The following ELK1 variants were observed in gnomAD, a reference collection of about 807,000 sequenced individuals.
The protein encoded by ELK1 is ETS domain-containing protein Elk-1.
For missense variants in ELK1, 254 were observed against 381.5 expected (o/e 0.67, Z 2.78); for synonymous variants, 163 against 176.3 (o/e 0.92, Z 0.60).
intron 2 of ELK1, among the ~76,000 whole-genome samples, chrX:47,646,967 C>T (rs987856974): frequency 9.0e-6 from 1 of 111,350 alleles, no homozygotes; most frequent in African/African-American, 3.3e-5. Context: ...ATGCTCTTCC[C>T]GTAGACATTA....
rs766008788 is a variant in ELK1, at chrX:47,639,085, C to T, written c.464G>A (p.Arg155His). Residue 155 changes from arginine (R) to histidine (H), a missense_variant, in exon 4 of 7, where the codon CGC becomes CAC. Physicochemically the swap from Arg to His is conservative, Grantham distance 29. Coordinates refer to ENST00000376983, the MANE Select transcript of ELK1 (RefSeq NM_001114123.3). Reference protein sequence around the residue: ...LARSSRNEYMRSGLYSTFTIQ... With the variant: ...LARSSRNEYMHSGLYSTFTIQ... ...GGTGAAGGTGGAATAGAGGCCCGAGCGCATGTACTCGTTCCGGCTGCTGCG... is the reference window on the plus strand; with the variant it reads ...GGTGAAGGTGGAATAGAGGCCCGAGTGCATGTACTCGTTCCGGCTGCTGCG... 10 of 1,199,106 alleles carry T rather than the reference C, an allele frequency of 8.3e-6. No homozygotes were observed. The Admixed American group carries it at 1.4e-4, about 16-fold the overall frequency.
At chrX:47,640,776 G>A (rs1383979228) in intron 3 of ELK1, among the ~76,000 whole-genome samples, 1 of 111,846 alleles carries the variant, frequency 8.9e-6, no homozygotes, top group African/African-American at 3.3e-5. Context: ...GTATAATACT[G>A]TCAGGGAGGT....
chrX:47,646,339 G>A (rs1003878113), intron 2 of ELK1, among the ~76,000 whole-genome samples: 5 of 110,424 alleles, frequency 4.5e-5, no homozygotes, highest in African/African-American at 1.3e-4. Context: ...GTTTTTTTTC[G>A]GAGACGGGGA....
intron 2 of ELK1, among the ~76,000 whole-genome samples, chrX:47,644,745 G>A (rs1454248705): frequency 9.0e-6 from 1 of 110,585 alleles, no homozygotes; most frequent in Non-Finnish European, 1.9e-5. Flanking sequence ...CATGGGTTCG[G>A]GGGAGAGGAG....
chrX:47,637,248 G>C, intron 5 of ELK1, 134 bp from the exon 6 acceptor site: 2 of 621,267 alleles, frequency 3.2e-6, no homozygotes, highest in Non-Finnish European at 5.1e-6. Flanking sequence ...CACACACCTA[G>C]ATGGTAACCA....
chrX:47,644,769 G>C (rs768461331), intron 2 of ELK1, among the ~76,000 whole-genome samples: 2 of 110,822 alleles, frequency 1.8e-5, no homozygotes, highest in African/African-American at 6.6e-5. Context: ...GGCAGCGGGA[G>C]AGGAGAACAG....
Position 47,639,157 on chromosome X carries a change from G to A in ELK1, c.392C>T (p.Pro131Leu). ...AAPGDTVSGK[P>L]GTPKGAGMAG... ...CATTCCTGCACCCTTGGGTGTGCCT[G>A]GCTTTCCAGAGACAGTGTCCCCTGG... Residue 131 changes from proline (P) to leucine (L), a missense_variant, in exon 4 of 7, where the codon CCA becomes CTA. Transcript: ENST00000376983. The A allele has an allele frequency of 8.3e-7, 1 of 1,208,725 alleles. No homozygotes were observed. The highest frequency in any genetic ancestry group is 1.1e-6 in the Non-Finnish European group (1 of 893,801).
At chrX:47,643,087 T>A (rs1259449339) in intron 2 of ELK1, among the ~76,000 whole-genome samples, 1 of 111,565 alleles carries the variant, frequency 9.0e-6, no homozygotes, top group Non-Finnish European at 1.9e-5. Context: ...ACCCTGGGCA[T>A]ATTCTTTTTC....
In ELK1 at chrX:47,636,910, G is replaced by A. The variant is rs760275929; in HGVS notation, c.1206C>T (p.Ser402=). ...KLSFQFPSSG[S]AQVHIPSISV... ...TGATAGAAGGGATGTGCACCTGGGC[G>A]CTGCCACTGGATGGAAACTGGGGGC... The change falls in exon 7 of 7, where the codon AGC becomes AGT. Residue 402 remains serine, a synonymous_variant. Transcript: ENST00000376983. The A allele has an allele frequency of 8.5e-6, 10 of 1,175,300 alleles. No individual in the cohort carries two copies. The highest frequency in any genetic ancestry group is 5.4e-5 in the African/African-American group (3 of 55,983).
chrX:47,637,612 CCAGT>C (rs1411079929), intron 5 of ELK1, 135 bp downstream of exon 5: 2 of 807,836 alleles, frequency 2.5e-6, no homozygotes, highest in South Asian at 2.7e-5. Context: ...CAGCATCAGC[CCAGT>C]CAATCACACT....
chrX:47,642,846 A>G lies in ELK1; in HGVS notation c.-34-1371T>C, dbSNP rs750617421. 5.4e-5 allele frequency among the ~76,000 whole-genome samples: 6 copies of G among 110,516 alleles called. No homozygotes were observed. The East Asian group carries it at 1.7e-3, about 31-fold the overall frequency. ...ACTCCTGACCTCAAGTGATCCACCC[A>G]CCTCCCACCTTGGCTTCCCAAAGTG... On this transcript the variant is annotated intron_variant, in intron 2 of 6. Coordinates refer to ENST00000376983, the MANE Select transcript of ELK1 (RefSeq NM_001114123.3).
intron 2 of ELK1, among the ~76,000 whole-genome samples, chrX:47,646,867 C>G (rs1414894166): frequency 8.9e-6 from 1 of 111,985 alleles, no homozygotes; most frequent in Non-Finnish European, 1.9e-5. Flanking sequence ...GCACTCTGCT[C>G]CAGCCACACT....
intron 3 of ELK1, among the ~76,000 whole-genome samples, 174 bp downstream of exon 3, chrX:47,641,058 T>TA (rs1179949530): frequency 1.8e-5 from 2 of 111,253 alleles, no homozygotes; most frequent in African/African-American, 6.6e-5. Flanking sequence ...GACAAGAAAG[T>TA]AGGTGAGATA....
Position 47,636,757 on chromosome X carries a change from C to T in ELK1, c.*72G>A. ...AGTCTTTCAGTTGAACTATGTTTCT[C>T]CTTGAGATGGCTGGCTGGAGAGAGC... On this transcript the variant is annotated 3_prime_UTR_variant, in exon 7 of 7. Transcript: ENST00000376983. 1.0e-6 allele frequency: 1 copy of T among 973,545 alleles called. No individual in the cohort carries two copies. Among genetic ancestry groups the T allele is most frequent in the Non-Finnish European group, 1.4e-6 (1 of 725,468 alleles). 80.2% of individuals were successfully genotyped at this position (973,545 alleles called of 1,213,427 possible).
At position 47,638,994 on chromosome X, in the gene ELK1, A is replaced by G; in HGVS notation, c.555T>C (p.Ala185=). Residue 185 remains alanine (A), a synonymous_variant, in exon 4 of 7, where the codon GCT becomes GCC. Transcript: ENST00000376983. The stretch of plus-strand genomic sequence containing the variant: ...AGGGGGGCGCTGCTGCCCCTGCAGG[A>G]GCTGCACTGGGGAGCACCACAGCAG... ...PRPAVVLPSA[A]PAGAAAPPSG... The G allele has an allele frequency of 8.3e-7, 1 of 1,200,570 alleles. No individual in the cohort carries two copies. Among genetic ancestry groups the G allele is most frequent in the Admixed American group, 2.3e-5 (1 of 44,117 alleles).
intron 2 of ELK1, among the ~76,000 whole-genome samples, chrX:47,641,706 T>C (rs1218576716): frequency 8.9e-6 from 1 of 112,007 alleles, no homozygotes; most frequent in Non-Finnish European, 1.9e-5. Flanking sequence ...ATTTTGAATG[T>C]GAAACAAATG....
rs1490248566 is a variant in ELK1, at chrX:47,636,782, CAT to C, written c.*45_*46del. 1 of 1,043,388 alleles carries C rather than the reference CAT, an allele frequency of 9.6e-7. No individual in the cohort carries two copies. The highest frequency in any genetic ancestry group is 1.9e-5 in the African/African-American group (1 of 52,099). The allele number at this position is 1,043,388 out of a possible 1,213,427, so 86.0% of individuals were successfully genotyped here. On this transcript the variant is annotated 3_prime_UTR_variant, in exon 7 of 7. Transcript: ENST00000376983. ...CCTTGAGATGGCTGGCTGGAGAGAGCATGGATGGAGTGACCCCAGAAGGGGTG... is the reference window on the plus strand; with the variant it reads ...CCTTGAGATGGCTGGCTGGAGAGAGCGGATGGAGTGACCCCAGAAGGGGTG...
intron 2 of ELK1, among the ~76,000 whole-genome samples, chrX:47,644,842 G>A (rs1047659833): frequency 1.2e-4 from 13 of 110,895 alleles, no homozygotes; most frequent in African/African-American, 3.6e-4. Flanking sequence ...AGTGAGACAG[G>A]AGCCACAAGA....
At position 47,638,164 on chromosome X, in the gene ELK1, C is replaced by T. The variant is rs1349536506; in HGVS notation, c.673G>A (p.Glu225Lys). The T allele has an allele frequency of 5.0e-6, 6 of 1,208,513 alleles. No homozygotes were observed. Among genetic ancestry groups the T allele is most frequent in the Admixed American group, 2.2e-5 (1 of 45,844 alleles). ...LPLQVILTPP[E>K]APNLKSEELN... ...TCTTCCGATTTCAGGTTTGGGGCCT[C>T]GGGCGGGGTCAGGATGACCTGGTAG... Residue 225 changes from glutamate (E) to lysine (K), a missense_variant, in exon 5 of 7, where the codon GAG becomes AAG. Glu to Lys is a moderately conservative substitution (Grantham distance 56). Transcript: ENST00000376983.
Sources: allele counts gnomAD v4.1 joint callset (sites outside exome capture counted in the v4.1 genomes callset), GRCh38; gene constraint gnomAD v4.1.1; transcripts MANE v1.5; gene names NCBI Gene and HGNC (gene_info 2026-07-23, HGNC 2026-07-21).